Variants in AGK observed in about 807,000 individuals in gnomAD.
AGK encodes acylglycerol kinase, mitochondrial.
AGK carries 52 observed loss-of-function variants against 66.4 expected under a neutral mutation model. The observed-to-expected ratio is 0.78, with a 90% CI of 0.63 to 0.99. The LOEUF is 0.99. Ranked by LOEUF, AGK falls within the 50% of genes least tolerant of loss-of-function variation. AGK has a pLI of 0.00. For synonymous variants in AGK, 182 were observed against 181.1 expected (o/e 1.00, Z -0.04); for missense variants, 451 against 506.6 (o/e 0.89, Z 1.05).
intron 7 of AGK, among the ~76,000 whole-genome samples, chr7:141,614,422 G>A (rs935102913): frequency 1.3e-5 from 2 of 151,848 alleles, no homozygotes; most frequent in Non-Finnish European, 2.9e-5. Context: ...TTAAAATTTT[G>A]TTATGGAATC....
In AGK at chr7:141,621,809, T is replaced by A; in HGVS notation, c.588+8T>A. The A allele has an allele frequency of 6.2e-7, 1 of 1,604,270 alleles. No individual in the cohort carries two copies. Among genetic ancestry groups the A allele is most frequent in the Non-Finnish European group, 8.5e-7 (1 of 1,172,960 alleles). On this transcript the variant is annotated splice_region_variant and intron_variant, in intron 9 of 15. Coordinates refer to ENST00000649286, the MANE Select transcript of AGK (RefSeq NM_018238.4). Reference sequence around the variant, plus strand: ...GATGTCTTGCAGATCAAGGTAAATCTTTTCATCACATATTGGAAAAATTGT... The same window carrying A: ...GATGTCTTGCAGATCAAGGTAAATCATTTCATCACATATTGGAAAAATTGT...
intron 9 of AGK, among the ~76,000 whole-genome samples, chr7:141,629,659 G>C (rs1797013811): frequency 1.3e-5 from 2 of 152,048 alleles, no homozygotes; most frequent in South Asian, 4.2e-4. Context: ...CTGCCTTGCT[G>C]GCTCATTTCC....
chr7:141,613,222 A>G (rs1444159019), intron 6 of AGK, among the ~76,000 whole-genome samples: 2 of 152,218 alleles, frequency 1.3e-5, no homozygotes, highest in African/African-American at 4.8e-5. Context: ...AAATGTTTTT[A>G]AAGAAATTGT....
At chr7:141,632,475 G>A (rs1007221613) in intron 9 of AGK, among the ~76,000 whole-genome samples, 16 of 152,184 alleles carry the variant, frequency 1.1e-4, no homozygotes, top group Middle Eastern at 3.4e-3. Context: ...TCCCCATGGC[G>A]TACATAGTTT....
chr7:141,614,064 GTCT>G, intron 6 of AGK, 79 bp from the exon 7 acceptor site: 1 of 1,034,348 alleles, frequency 9.7e-7, no homozygotes, highest in Non-Finnish European at 1.5e-6. Context: ...TAAGTTTATG[GTCT>G]ATGAAAATTG....
In AGK at chr7:141,648,378, T is replaced by C. The variant is rs556420447; in HGVS notation, c.976-885T>C. ...CCAAGCTCCGTGGGTTCATGGTGCATGACTGGCACTCAGTAAGTAGTTAAA... is the reference window on the plus strand; with the variant it reads ...CCAAGCTCCGTGGGTTCATGGTGCACGACTGGCACTCAGTAAGTAGTTAAA... On this transcript the variant is annotated intron_variant, in intron 13 of 15. Transcript: ENST00000649286. Among the ~76,000 whole-genome samples the C allele has an allele frequency of 3.3e-5, 5 of 152,340 alleles. No homozygotes were observed. The East Asian group carries it at 9.6e-4, about 29-fold the overall frequency.
chr7:141,575,496 T>C (rs931357821), intron 2 of AGK, among the ~76,000 whole-genome samples: 2 of 152,140 alleles, frequency 1.3e-5, no homozygotes, highest in African/African-American at 4.8e-5. Context: ...TTGAACTTTG[T>C]TACTAATGGG....
intron 2 of AGK, chr7:141,561,996 G>T: frequency 2.2e-6 from 1 of 455,008 alleles, no homozygotes; most frequent in Non-Finnish European, 4.4e-6. Context: ...TGTCTGAAAA[G>T]AGTCCTGTGA....
Position 141,598,859 on chromosome 7 carries a change from A to C in AGK, c.221+2218A>C, listed in dbSNP as rs1796283895. ...GTTTAAGCAATAACCAGTTATTTTG[A>C]GTTCCTGCTTCTAAGAGGTATCTAC... On this transcript the variant is annotated intron_variant, in intron 4 of 15. Transcript: ENST00000649286. This position sits in a 1 kb window ranked among gnomAD's most constrained non-coding sequence, Gnocchi z 4.2. 1 of 152,190 alleles carries C rather than the reference A, an allele frequency of 6.6e-6. No homozygotes were observed. The highest frequency in any genetic ancestry group is 6.5e-5 in the Admixed American group (1 of 15,270). 9.4% of individuals were successfully genotyped at this position (152,190 alleles called of 1,614,324 possible).
At chr7:141,618,467 A>G (rs1272277473) in intron 8 of AGK, among the ~76,000 whole-genome samples, 2 of 152,218 alleles carry the variant, frequency 1.3e-5, no homozygotes, top group Non-Finnish European at 2.9e-5. Context: ...AAGTGTAATT[A>G]TGCCTAGTAA....
In AGK at chr7:141,641,269, G is replaced by A. The variant is rs1260598891; in HGVS notation, c.748G>A (p.Ala250Thr). ...AAAGGAGTGGCCTCAGACTCATCAA[G>A]CCTCTATCTCATACACGGGACCTAC... ...TLKEWPQTHQ[A>T]SISYTGPTER... The change falls in exon 12 of 16, where the codon GCC (alanine) becomes ACC (threonine). Residue 250 changes from alanine (A) to threonine (T), a missense_variant. Coordinates refer to ENST00000649286, the MANE Select transcript of AGK (RefSeq NM_018238.4). 1.9e-6 allele frequency: 3 copies of A among 1,613,576 alleles called. No homozygotes were observed. Among genetic ancestry groups the A allele is most frequent in the Non-Finnish European group, 2.5e-6 (3 of 1,179,788 alleles).
At chr7:141,562,180 AC>A (rs1795364771) in intron 2 of AGK, 2 of 454,286 alleles carry the variant, frequency 4.4e-6, no homozygotes, top group Non-Finnish European at 8.8e-6. Flanking sequence ...TAGACTCAGG[AC>A]CTTTGGTTAG....
At chr7:141,564,970 G>A (rs750616544) in intron 2 of AGK, among the ~76,000 whole-genome samples, 1 of 151,982 alleles carries the variant, frequency 6.6e-6, no homozygotes, top group Non-Finnish European at 1.5e-5. Context: ...CAGGTGATCC[G>A]CCCTCCTCAG....
At chr7:141,595,541 T>C (rs368002311) in intron 3 of AGK, among the ~76,000 whole-genome samples, 4 of 152,328 alleles carry the variant, frequency 2.6e-5, no homozygotes, top group African/African-American at 9.6e-5. Flanking sequence ...GTCAGGGAGA[T>C]AGCAGATTTA....
intron 2 of AGK, among the ~76,000 whole-genome samples, chr7:141,591,613 C>G (rs1284937865): frequency 2.0e-5 from 3 of 152,126 alleles, no homozygotes; most frequent in Non-Finnish European, 4.4e-5. Context: ...AGCCTGTTGC[C>G]TTTTGAATTC....
chr7:141,596,442 T>G, intron 3 of AGK, 120 bp from the exon 4 acceptor site: 1 of 765,322 alleles, frequency 1.3e-6, no homozygotes, highest in South Asian at 1.7e-5. Context: ...AAAGAATATT[T>G]TTCCCCAAGG....
intron 8 of AGK, among the ~76,000 whole-genome samples, chr7:141,620,767 G>A (rs900147570): frequency 2.0e-5 from 3 of 152,122 alleles, no homozygotes; most frequent in Non-Finnish European, 4.4e-5. Context: ...AAATATCAGA[G>A]AAAAATCGCC....
At chr7:141,578,066 T>C (rs1795791523) in intron 2 of AGK, among the ~76,000 whole-genome samples, 1 of 152,208 alleles carries the variant, frequency 6.6e-6, no homozygotes, top group African/African-American at 2.4e-5. Context: ...TCTGCCTGCC[T>C]TGGCCTCAGT....
intron 2 of AGK, among the ~76,000 whole-genome samples, chr7:141,587,088 C>G (rs1271164230): frequency 6.6e-6 from 1 of 152,222 alleles, no homozygotes; most frequent in Admixed American, 6.5e-5. Context: ...CTCACACTTG[C>G]ACTTTCTGCT....
Sources: gnomAD v4.1 joint callset for allele counts (sites outside exome capture counted in the v4.1 genomes callset) on GRCh38, gnomAD v4.1.1 for gene constraint, Gnocchi (gnomAD v3.1) non-coding constraint, MANE v1.5 for transcripts, NCBI Gene and HGNC (gene_info 2026-07-23, HGNC 2026-07-21) for gene names.